The following ARHGAP15 variants were observed in gnomAD, a reference collection of about 807,000 sequenced individuals.
ARHGAP15 encodes rho GTPase-activating protein 15.
ARHGAP15 carries 51 observed loss-of-function variants against 63.7 expected under a neutral mutation model. The ratio of observed to expected loss-of-function variants is 0.80; its 90% CI spans 0.64 to 1.01. The LOEUF is 1.01. ARHGAP15 is among the 50% of genes least tolerant of loss of function. The pLI, the probability that ARHGAP15 is intolerant of heterozygous loss-of-function variation, is 0.00. For synonymous variants in ARHGAP15, 191 were observed against 193.8 expected, an observed-to-expected ratio of 0.99 and a Z score of 0.12; for missense variants, 560 against 564.6, an observed-to-expected ratio of 0.99 and a Z score of 0.08.
intron 3 of ARHGAP15, among the ~76,000 whole-genome samples, chr2:143,208,147 G>T (rs187818170): frequency 6.6e-6 from 1 of 152,234 alleles, no homozygotes; most frequent in Non-Finnish European, 1.5e-5. Context: ...CATCTCTACT[G>T]TATGGATCTT....
chr2:143,240,906 A>G (rs1693838327), intron 5 of ARHGAP15, among the ~76,000 whole-genome samples: 1 of 152,178 alleles, frequency 6.6e-6, no homozygotes, highest in African/African-American at 2.4e-5. Flanking sequence ...TCTGTAACTT[A>G]CATAATTTTT....
At chr2:143,290,691 G>A (rs76547788) in intron 6 of ARHGAP15, among the ~76,000 whole-genome samples, 1,550 of 152,200 alleles carry the variant, frequency 0.01, 31 homozygotes, top group Non-Finnish European at 0.011. Flanking sequence ...CAGATAGTGT[G>A]TAATAATGGA....
intron 11 of ARHGAP15, among the ~76,000 whole-genome samples, chr2:143,606,061 A>AAAAAAC (rs1698010150): frequency 3.7e-5 from 3 of 80,606 alleles, no homozygotes; most frequent in African/African-American, 1.1e-4. Context: ...AAAAAAAAAA[A>AAAAAAC]AAAAAAAAAG....
chr2:143,569,267 C>G (rs986308337), intron 11 of ARHGAP15, among the ~76,000 whole-genome samples: 1 of 152,172 alleles, frequency 6.6e-6, no homozygotes, highest in African/African-American at 2.4e-5. Flanking sequence ...GAACCAGGAT[C>G]TCTTCTGGAA....
intron 13 of ARHGAP15, among the ~76,000 whole-genome samples, chr2:143,704,857 T>G (rs753656402): frequency 1.3e-5 from 2 of 152,196 alleles, no homozygotes; most frequent in Non-Finnish European, 2.9e-5. Flanking sequence ...ATGTAATACA[T>G]GCAATTGCAC....
intron 6 of ARHGAP15, among the ~76,000 whole-genome samples, chr2:143,296,701 G>C (rs1391664485): frequency 6.6e-6 from 1 of 151,778 alleles, no homozygotes; most frequent in Non-Finnish European, 1.5e-5. Flanking sequence ...TAGGTATTAG[G>C]GTACATGTGA....
chr2:143,338,911 T>C (rs756604197), intron 6 of ARHGAP15, among the ~76,000 whole-genome samples: 4 of 152,216 alleles, frequency 2.6e-5, no homozygotes, highest in African/African-American at 4.8e-5. Context: ...CCTCACTGTG[T>C]TGATAAAAAT....
chr2:143,364,314 TTTAA>T (rs373105649), intron 6 of ARHGAP15, among the ~76,000 whole-genome samples: 230 of 152,336 alleles, frequency 1.5e-3, no homozygotes, highest in African/African-American at 4.7e-3. Flanking sequence ...ATAACAGAAA[TTTAA>T]TTTTTTCCTT....
At position 143,142,590 on chromosome 2, in the gene ARHGAP15, G is replaced by T. The variant is rs78389360; in HGVS notation, c.-14-12887G>T. Among the ~76,000 whole-genome samples the T allele has an allele frequency of 2.0e-4, 30 of 152,118 alleles. No individual in the cohort carries two copies. The South Asian group carries it at 5.8e-3, about 29-fold the overall frequency. On this transcript the variant is annotated intron_variant, in intron 1 of 13. Transcript: ENST00000295095. ...TTGCATCAACTGTTATTTTTGAATCGCATGATGTAGGTAGGGTATGGATCA... is the reference window on the plus strand; with the variant it reads ...TTGCATCAACTGTTATTTTTGAATCTCATGATGTAGGTAGGGTATGGATCA...
intron 2 of ARHGAP15, among the ~76,000 whole-genome samples, chr2:143,194,276 G>A (rs1280705019): frequency 6.6e-6 from 1 of 152,032 alleles, no homozygotes; most frequent in African/African-American, 2.4e-5. Flanking sequence ...ATATCAGTTT[G>A]GTTCAAGATT....
chr2:143,235,691 C>T lies in ARHGAP15; in HGVS notation c.384+7023C>T, dbSNP rs371986259. Among the ~76,000 whole-genome samples the T allele has an allele frequency of 3.3e-5, 5 of 152,134 alleles. No individual in the cohort carries two copies. In the East Asian group the frequency reaches 5.8e-4, roughly 18 times the overall value. ...GAGAGGATGCTCCTTCTTCGAGGCT[C>T]TTCATCTCATTTACTGCAGAAGTGA... On this transcript the variant is annotated intron_variant, in intron 5 of 13. Transcript: ENST00000295095.
chr2:143,594,340 A>G (rs988851358), intron 11 of ARHGAP15, among the ~76,000 whole-genome samples: 1 of 152,228 alleles, frequency 6.6e-6, no homozygotes, highest in Admixed American at 6.5e-5. Context: ...ATTAACATGT[A>G]CAGCATCATT....
chr2:143,150,790 A>G (rs1689783960), intron 1 of ARHGAP15, among the ~76,000 whole-genome samples: 1 of 152,066 alleles, frequency 6.6e-6, no homozygotes, highest in African/African-American at 2.4e-5. Context: ...AACAAAATTT[A>G]ATAGTAACAA....
chr2:143,267,502 C>T (rs543498197), intron 6 of ARHGAP15, among the ~76,000 whole-genome samples: 2 of 152,098 alleles, frequency 1.3e-5, no homozygotes, highest in South Asian at 4.1e-4. Flanking sequence ...AAGTCCAAGG[C>T]AGATGCATAA....
At chr2:143,153,788 C>A (rs1396364683) in intron 1 of ARHGAP15, among the ~76,000 whole-genome samples, 8 of 26,998 alleles carry the variant, frequency 3.0e-4, no homozygotes, top group African/African-American at 9.1e-4. Flanking sequence ...TCTTCTTCTT[C>A]TTCTTCTTCT....
At chr2:143,239,599 A>G (rs1693779961) in intron 5 of ARHGAP15, among the ~76,000 whole-genome samples, 1 of 152,184 alleles carries the variant, frequency 6.6e-6, no homozygotes, top group Non-Finnish European at 1.5e-5. Flanking sequence ...TTCAGCCATA[A>G]CCTTGAAAGC....
At chr2:143,226,067 G>A (rs948323211) in intron 4 of ARHGAP15, among the ~76,000 whole-genome samples, 4 of 152,186 alleles carry the variant, frequency 2.6e-5, no homozygotes, top group African/African-American at 7.2e-5. Flanking sequence ...TACATAAGGC[G>A]TCAGAGCAAG....
intron 8 of ARHGAP15, among the ~76,000 whole-genome samples, chr2:143,443,411 G>A (rs937483225): frequency 1.5e-5 from 2 of 133,540 alleles, no homozygotes; most frequent in Non-Finnish European, 3.2e-5. Context: ...TTTCTGATTT[G>A]GGTGAGAGGG....
rs149770042 is a variant in ARHGAP15 at position 143,555,112 on chromosome 2, A to T, written c.926-1296A>T. Among the ~76,000 whole-genome samples the T allele has an allele frequency of 7.5e-4, 114 of 152,288 alleles. 2 individuals are homozygous for T. In the East Asian group the frequency reaches 0.021, roughly 28 times the overall value. On this transcript the variant is annotated intron_variant, in intron 10 of 13. Coordinates refer to ENST00000295095, the MANE Select transcript of ARHGAP15 (RefSeq NM_018460.4). ...ACATGGAAGAGTAAAAACTATAGTG[A>T]ATGATTGTCTTAAATTATGCCATTA...
Sources: allele counts gnomAD v4.1 joint callset (sites outside exome capture counted in the v4.1 genomes callset), GRCh38; gene constraint gnomAD v4.1.1; transcripts MANE v1.5; gene names NCBI Gene and HGNC (gene_info 2026-07-23, HGNC 2026-07-21).